The following NCOA3 variants were observed in gnomAD, a reference collection of about 807,000 sequenced individuals.
NCOA3 encodes nuclear receptor coactivator 3.
Under a neutral mutation model 158.8 loss-of-function variants are expected in NCOA3, and 51 were observed. The observed-to-expected ratio is 0.32, with a 90% confidence interval of 0.26 to 0.41. NCOA3 has a LOEUF of 0.41. Among genes scored for constraint, NCOA3 ranks in the 10% least tolerant of loss-of-function variants. The pLI is 1.00. For synonymous variants in NCOA3, 537 were observed against 592.4 expected (o/e 0.91, Z 1.36); for missense variants, 1,510 against 1,746.6 (o/e 0.86, Z 2.41).
chr20:47,575,188 A>G (rs2085353438), intron 1 of NCOA3, among the ~76,000 whole-genome samples: 1 of 152,342 alleles, frequency 6.6e-6, no homozygotes, highest in Middle Eastern at 3.4e-3. Flanking sequence ...AATCAAATTC[A>G]GAACACACAA....
chr20:47,531,568 A>T (rs1161901444), intron 1 of NCOA3, among the ~76,000 whole-genome samples: 2 of 152,196 alleles, frequency 1.3e-5, no homozygotes, highest in Admixed American at 6.5e-5. Flanking sequence ...GCTAGATTTG[A>T]GCAAGAATAA....
At chr20:47,614,269 G>A (rs925073160) in intron 2 of NCOA3, among the ~76,000 whole-genome samples, 1 of 152,204 alleles carries the variant, frequency 6.6e-6, no homozygotes, top group Admixed American at 6.5e-5. Flanking sequence ...TTAAGCCCTT[G>A]TGTTAACTAG....
intron 22 of NCOA3, 86 bp downstream of exon 22, chr20:47,653,158 T>C: frequency 6.9e-7 from 1 of 1,456,580 alleles, no homozygotes; most frequent in Non-Finnish European, 9.3e-7. Flanking sequence ...CAGAATGTCC[T>C]AGGTATATTT....
At chr20:47,626,116 G>A (rs572390581) in intron 5 of NCOA3, among the ~76,000 whole-genome samples, 30 of 152,350 alleles carry the variant, frequency 2.0e-4, no homozygotes, top group Non-Finnish European at 3.4e-4. Flanking sequence ...GAATTTTTGC[G>A]TGATTGATCA....
At chr20:47,624,119 G>T in intron 4 of NCOA3, 36 bp downstream of exon 4, 1 of 1,559,082 alleles carries the variant, frequency 6.4e-7, no homozygotes, top group South Asian at 1.2e-5. Context: ...GAACAGTGGT[G>T]GTTCCCAACC....
At chr20:47,563,905 G>GA (rs1451465092) in intron 1 of NCOA3, among the ~76,000 whole-genome samples, 4 of 143,262 alleles carry the variant, frequency 2.8e-5, no homozygotes, top group African/African-American at 1.0e-4. Flanking sequence ...AAAAAAAAAA[G>GA]AAAGAAAAAA....
At chr20:47,510,009 T>C (rs1259892485) in intron 1 of NCOA3, among the ~76,000 whole-genome samples, 1 of 152,244 alleles carries the variant, frequency 6.6e-6, no homozygotes, top group Non-Finnish European at 1.5e-5. Flanking sequence ...AAAATAACTC[T>C]ACACATCTTG....
intron 1 of NCOA3, among the ~76,000 whole-genome samples, chr20:47,570,856 G>A (rs933284069): frequency 6.6e-6 from 1 of 151,100 alleles, no homozygotes; most frequent in Admixed American, 6.6e-5. Context: ...GTTAATGGGC[G>A]TGAAAACAAC....
Position 47,656,394 on chromosome 20 carries a change from G to A in NCOA3, c.*2977G>A, listed in dbSNP as rs1229424091. On this transcript the variant is annotated 3_prime_UTR_variant, in exon 23 of 23. Coordinates refer to ENST00000371998, the MANE Select transcript of NCOA3 (RefSeq NM_181659.3). ...ATATTAGGGGTAGGGTATTACAGAA[G>A]ATAATTGGCTTGATGTCCTAGAAGT... is the stretch of plus-strand genomic sequence containing the variant. The A allele has an allele frequency of 6.6e-6, 1 of 152,170 alleles. No homozygotes were observed. The highest frequency in any genetic ancestry group is 1.5e-5 in the Non-Finnish European group (1 of 68,024). The allele number at this position is 152,170 out of a possible 1,614,324, so 9.4% of individuals were successfully genotyped here.
At chr20:47,505,691 A>G (rs1392621910) in intron 1 of NCOA3, among the ~76,000 whole-genome samples, 1 of 150,486 alleles carries the variant, frequency 6.6e-6, no homozygotes, top group African/African-American at 2.4e-5. Flanking sequence ...ACTTTTTCTT[A>G]TTTTTTTCTC....
At chr20:47,533,284 CA>C (rs1158802672) in intron 1 of NCOA3, among the ~76,000 whole-genome samples, 239 of 54,838 alleles carry the variant, frequency 4.4e-3, no homozygotes, top group Middle Eastern at 0.02. Context: ...GGTTCCGTCT[CA>C]AAAAAAAAAA....
chr20:47,537,833 C>T (rs756403307), intron 1 of NCOA3, among the ~76,000 whole-genome samples: 70 of 151,964 alleles, frequency 4.6e-4, no homozygotes, highest in Non-Finnish European at 6.6e-4. Flanking sequence ...CTGCCCGCCT[C>T]GGCCTCCCAA....
chr20:47,535,496 T>G (rs1396889588), intron 1 of NCOA3, among the ~76,000 whole-genome samples: 1 of 151,710 alleles, frequency 6.6e-6, no homozygotes, highest in Non-Finnish European at 1.5e-5. Flanking sequence ...ACTTGGAGAA[T>G]GAGTGCAAGG....
At chr20:47,599,332 G>C (rs950056522) in intron 2 of NCOA3, among the ~76,000 whole-genome samples, 3 of 152,078 alleles carry the variant, frequency 2.0e-5, no homozygotes, top group African/African-American at 7.2e-5. Flanking sequence ...TACGTAAGTG[G>C]TTGTCAAGGG....
chr20:47,643,238 T>C (rs547300721), intron 17 of NCOA3, among the ~76,000 whole-genome samples: 1 of 152,348 alleles, frequency 6.6e-6, no homozygotes, highest in East Asian at 1.9e-4. Flanking sequence ...TTAAAGGCTA[T>C]GGAGGGGCCA....
chr20:47,513,901 A>G (rs765238562), intron 1 of NCOA3, among the ~76,000 whole-genome samples: 3 of 152,026 alleles, frequency 2.0e-5, no homozygotes, highest in Non-Finnish European at 4.4e-5. Flanking sequence ...TTCCATAAAT[A>G]TATTATACAT....
At chr20:47,628,102 AT>A in intron 8 of NCOA3, 79 bp downstream of exon 8, 1 of 978,768 alleles carries the variant, frequency 1.0e-6, no homozygotes, top group Non-Finnish European at 1.6e-6. Context: ...AAATGTTACT[AT>A]TTTTAATCTG....
At chr20:47,570,939 T>TATACACACACACACACACACAC (rs369516174) in intron 1 of NCOA3, among the ~76,000 whole-genome samples, 2 of 114,872 alleles carry the variant, frequency 1.7e-5, no homozygotes, top group African/African-American at 7.0e-5. Context: ...GTAATATATA[T>TATACACACACACACACACACAC]ACACACACAC....
At chr20:47,569,169 G>C (rs536724819) in intron 1 of NCOA3, among the ~76,000 whole-genome samples, 1 of 152,012 alleles carries the variant, frequency 6.6e-6, no homozygotes, top group African/African-American at 2.4e-5. Context: ...AACATAGCAA[G>C]ACCCCATCTC....
Sources: allele counts gnomAD v4.1 joint callset (sites outside exome capture counted in the v4.1 genomes callset), GRCh38; gene constraint gnomAD v4.1.1; transcripts MANE v1.5; gene names NCBI Gene and HGNC (gene_info 2026-07-23, HGNC 2026-07-21).